ACSM2B: variants seen among roughly 807,000 people sequenced by gnomAD.
ACSM2B encodes acyl-CoA synthetase medium chain family member 2B, also known as acyl-coenzyme A synthetase ACSM2B, mitochondrial.
Under a neutral mutation model 78.6 loss-of-function variants are expected in ACSM2B, and 58 were observed. That is an observed-to-expected ratio of 0.74 (90% CI 0.60 to 0.92). The LOEUF (loss-of-function observed/expected upper bound fraction) is 0.92, where lower values mean the gene tolerates loss of function less well. Ranked by LOEUF, ACSM2B falls within the 40% of genes least tolerant of loss-of-function variation. The pLI is 0.00. For missense variants in ACSM2B, 688 were observed against 711.2 expected (o/e 0.97, Z 0.37); for synonymous variants, 257 against 256.8 (o/e 1.00, Z -0.01).
At position 20,564,871 on chromosome 16, in the gene ACSM2B, G is replaced by T. The variant is rs763271684; in HGVS notation, c.-8-18C>A. 2.5e-6 allele frequency: 4 copies of T among 1,592,626 alleles called. No individual in the cohort carries two copies. Among genetic ancestry groups the T allele is most frequent in the Non-Finnish European group, 3.4e-6 (4 of 1,168,432 alleles). Reference sequence around the variant, plus strand: ...GTTCAGGCCTGTAAAAGAAAGAAGAGACACAGGTAAGAGCTTCTTTAACAG... The same window carrying T: ...GTTCAGGCCTGTAAAAGAAAGAAGATACACAGGTAAGAGCTTCTTTAACAG... On this transcript the variant is annotated intron_variant, in intron 1 of 13. Coordinates refer to ENST00000329697, the MANE Select transcript of ACSM2B (RefSeq NM_001105069.2).
At chr16:20,537,948 A>G (rs1035891046) in intron 13 of ACSM2B, among the ~76,000 whole-genome samples, 5 of 152,098 alleles carry the variant, frequency 3.3e-5, no homozygotes, top group African/African-American at 1.2e-4. Context: ...AAGCAAAATT[A>G]TAATATCTCT....
intron 1 of ACSM2B, among the ~76,000 whole-genome samples, chr16:20,568,130 A>T (rs1238373581): frequency 1.4e-5 from 2 of 143,554 alleles, no homozygotes; most frequent in South Asian, 2.1e-4. Flanking sequence ...TATATATGTT[A>T]TACGTTCATG....
chr16:20,570,010 A>T (rs12918277), intron 1 of ACSM2B, among the ~76,000 whole-genome samples: 31 of 151,860 alleles, frequency 2.0e-4, no homozygotes, highest in Middle Eastern at 3.4e-3. Context: ...AGCAAACAGC[A>T]ACTGTATGAC....
At chr16:20,540,830 G>C in intron 12 of ACSM2B, 57 bp from the exon 13 acceptor site, 5 of 1,579,774 alleles carry the variant, frequency 3.2e-6, no homozygotes, top group Non-Finnish European at 4.3e-6. Flanking sequence ...TCATCTCCTG[G>C]AATAATGTGA....
chr16:20,544,128 C>T (rs1227040306), intron 10 of ACSM2B, among the ~76,000 whole-genome samples: 1 of 152,180 alleles, frequency 6.6e-6, no homozygotes, highest in East Asian at 1.9e-4. Context: ...TGACATAGTA[C>T]TTCACTGGCA....
intron 12 of ACSM2B, chr16:20,542,210 T>C (rs1383882634): frequency 5.4e-5 from 8 of 148,688 alleles, no homozygotes; most frequent in African/African-American, 1.8e-4. Context: ...CTGCTAACTG[T>C]ATGCTTCTAC....
chr16:20,567,461 CAT>C lies in ACSM2B; in HGVS notation c.-8-2610_-8-2609del, dbSNP rs570722291. ...TAATATATAGTATATTATTATATAA[CAT>C]ATAATAATAGTATAACAGTATATAT... On this transcript the variant is annotated intron_variant, in intron 1 of 13. Coordinates refer to ENST00000329697, the MANE Select transcript of ACSM2B (RefSeq NM_001105069.2). Among the ~76,000 whole-genome samples the C allele has an allele frequency of 5.6e-3, 600 of 107,504 alleles. 4 individuals are homozygous for C. The highest frequency in any genetic ancestry group is 0.021 in the African/African-American group (551 of 26,408). 70.5% of individuals were successfully genotyped at this position (107,504 alleles called of 152,430 possible).
In ACSM2B at chr16:20,537,070, T is replaced by C. The variant is rs989163767; in HGVS notation, c.*188A>G. The C allele has an allele frequency of 4.6e-6, 3 of 655,256 alleles. No homozygotes were observed. Among genetic ancestry groups the C allele is most frequent in the Non-Finnish European group, 7.6e-6 (3 of 394,972 alleles). The allele number at this position is 655,256 out of a possible 1,614,324, so 40.6% of individuals were successfully genotyped here. A position where few individuals can be genotyped will look rare whatever the true frequency, so the allele number is the denominator to read the frequency against. ...CTGTTACCCTCTCCTTTTCACTCTC[T>C]CTCATTCCTTCCCTTTCTTATTTCA... On this transcript the variant is annotated 3_prime_UTR_variant, in exon 14 of 14. Coordinates refer to ENST00000329697, the MANE Select transcript of ACSM2B (RefSeq NM_001105069.2).
intron 10 of ACSM2B, chr16:20,544,773 C>T (rs1271680479): frequency 5.7e-5 from 56 of 988,584 alleles, no homozygotes; most frequent in Non-Finnish European, 6.6e-5. Flanking sequence ...ACGTAAAGTG[C>T]CTGGCATGGC....
At chr16:20,549,038 T>G (rs755747359) in intron 6 of ACSM2B, among the ~76,000 whole-genome samples, 5 of 152,170 alleles carry the variant, frequency 3.3e-5, no homozygotes, top group Non-Finnish European at 5.9e-5. Flanking sequence ...CCTCATTTAA[T>G]TTTTCCAATA....
rs923050310 is a variant in ACSM2B, at chr16:20,542,751, C to G, written c.1509+163G>C. On this transcript the variant is annotated intron_variant, in intron 12 of 13. Transcript: ENST00000329697. ...TCTTACAGATGAAGAAACTGAGAAA[C>G]AGAGAGGCCAAGTAGCTTACCCAAG... 10 of 880,858 alleles carry G rather than the reference C, an allele frequency of 1.1e-5. No individual in the cohort carries two copies. In the African/African-American group the frequency reaches 1.5e-4, roughly 14 times the overall value. 54.6% of individuals were successfully genotyped at this position (880,858 alleles called of 1,614,324 possible). A position where few individuals can be genotyped will look rare whatever the true frequency, so the allele number is the denominator to read the frequency against.
At chr16:20,564,166 T>A (rs2152144206) in intron 2 of ACSM2B, among the ~76,000 whole-genome samples, 1 of 152,272 alleles carries the variant, frequency 6.6e-6, no homozygotes, top group South Asian at 2.1e-4. Flanking sequence ...TGATCACAGT[T>A]CACTGCAGCC....
intron 1 of ACSM2B, chr16:20,574,760 T>C (rs1029268403): frequency 6.0e-5 from 9 of 150,518 alleles, no homozygotes; most frequent in Non-Finnish European, 8.8e-5. Flanking sequence ...TAAGAGCTTA[T>C]GTCTATTTTT....
chr16:20,545,365 G>T, intron 9 of ACSM2B, 107 bp from the exon 10 acceptor site: 1 of 1,337,768 alleles, frequency 7.5e-7, no homozygotes, highest in East Asian at 2.5e-5. Flanking sequence ...TTGCTCTAGT[G>T]GAGACTGAAA....
chr16:20,539,995 G>C (rs1357257540), intron 13 of ACSM2B, among the ~76,000 whole-genome samples: 3 of 152,172 alleles, frequency 2.0e-5, no homozygotes, highest in Non-Finnish European at 4.4e-5. Flanking sequence ...TGTCAAGCTA[G>C]ATTTCTGTCA....
At chr16:20,566,624 ACTATATATAG>A (rs2015857064) in intron 1 of ACSM2B, among the ~76,000 whole-genome samples, 1 of 64,854 alleles carries the variant, frequency 1.5e-5, no homozygotes, top group African/African-American at 8.6e-5. Flanking sequence ...TAGTATATAT[ACTATATATAG>A]TATATATATA....
At position 20,560,091 on chromosome 16, in the gene ACSM2B, A is replaced by G. The variant is rs1319647603; in HGVS notation, c.178-644T>C. On this transcript the variant is annotated intron_variant, in intron 2 of 13. Coordinates refer to ENST00000329697, the MANE Select transcript of ACSM2B (RefSeq NM_001105069.2). ...TTAAGTACATTCTCATTGTTATGCAACAATCACCACCATCCATCTCCCGAA... is the reference window on the plus strand; with the variant it reads ...TTAAGTACATTCTCATTGTTATGCAGCAATCACCACCATCCATCTCCCGAA... Among the ~76,000 whole-genome samples, 4 of 150,872 alleles carry G rather than the reference A, an allele frequency of 2.7e-5. No homozygotes were observed. The East Asian group carries it at 7.7e-4, about 29-fold the overall frequency.
At chr16:20,546,542 T>C (rs1470129679) in intron 8 of ACSM2B, 68 bp from the exon 9 acceptor site, 89 of 1,565,046 alleles carry the variant, frequency 5.7e-5, no homozygotes, top group Non-Finnish European at 7.5e-5. Flanking sequence ...AAAGAAAAAA[T>C]TTCTGCAGAG....
intron 5 of ACSM2B, 93 bp downstream of exon 5, chr16:20,553,684 T>G (rs2015383087): frequency 3.3e-6 from 5 of 1,524,312 alleles, no homozygotes; most frequent in South Asian, 1.3e-5. Flanking sequence ...AACCACAAGG[T>G]GGTGACACAG....
Sources: allele counts gnomAD v4.1 joint callset (sites outside exome capture counted in the v4.1 genomes callset), GRCh38; gene constraint gnomAD v4.1.1; transcripts MANE v1.5; gene names NCBI Gene and HGNC (gene_info 2026-07-23, HGNC 2026-07-21).